Variants in EHMT1 observed in about 807,000 individuals in gnomAD.
The protein encoded by EHMT1 is euchromatic histone lysine methyltransferase 1.
In EHMT1, 15 loss-of-function variants were observed where a neutral mutation model predicts 147.2. That is an observed-to-expected ratio of 0.10 (90% CI 0.07 to 0.16). The LOEUF is 0.16. EHMT1 is among the 10% of genes least tolerant of loss of function. The pLI, the probability that EHMT1 is intolerant of heterozygous loss-of-function variation, is 1.00. For synonymous variants in EHMT1, 795 were observed against 709.6 expected, an observed-to-expected ratio of 1.12 and a Z score of -1.91; for missense variants, 1,587 against 1,772.4, an observed-to-expected ratio of 0.90 and a Z score of 1.88.
Position 137,814,413 on chromosome 9 carries a change from C to G in EHMT1, c.3181-18C>G, listed in dbSNP as rs374607608. The stretch of plus-strand genomic sequence containing the variant: ...GCCTGTGCCTGCACGTCTGACCCCC[C>G]GGCGCCTCTCTTCTCAGTACTGCGT... On this transcript the variant is annotated intron_variant, in intron 21 of 26. Coordinates refer to ENST00000460843, the MANE Select transcript of EHMT1 (RefSeq NM_024757.5). 1.9e-6 allele frequency: 3 copies of G among 1,611,606 alleles called. No homozygotes were observed. Among genetic ancestry groups the G allele is most frequent in the East Asian group, 4.5e-5 (2 of 44,870 alleles).
Position 137,813,285 on chromosome 9 carries a change from T to C in EHMT1, c.3036-101T>C. The C allele has an allele frequency of 6.4e-7, 1 of 1,556,670 alleles. No homozygotes were observed. The highest frequency in any genetic ancestry group is 8.6e-7 in the Non-Finnish European group (1 of 1,156,654). ...AAACATCCCCAGGCTGCAGTCCAAA[T>C]TGTCAGGGCCAGGTGTTTGCCAGCC... is the stretch of plus-strand genomic sequence containing the variant. On this transcript the variant is annotated intron_variant, in intron 20 of 26. Transcript: ENST00000460843. This position sits in a 1 kb window ranked among gnomAD's most constrained non-coding sequence, Gnocchi z 4.9.
At chr9:137,779,489 C>A in intron 13 of EHMT1, 146 bp from the exon 14 acceptor site, 1 of 813,470 alleles carries the variant, frequency 1.2e-6, no homozygotes, top group Non-Finnish European at 2.0e-6. Context: ...TCTGCCGGGC[C>A]TTCCAGCCTT....
chr9:137,734,122 G>C (rs568606019), intron 4 of EHMT1, among the ~76,000 whole-genome samples: 31 of 152,244 alleles, frequency 2.0e-4, no homozygotes, highest in African/African-American at 7.2e-4. Flanking sequence ...GGCCCAATCA[G>C]ATGCAAAAAT....
At chr9:137,706,265 G>T (rs1197850852) in intron 1 of EHMT1, among the ~76,000 whole-genome samples, 3 of 152,226 alleles carry the variant, frequency 2.0e-5, no homozygotes, top group Admixed American at 2.0e-4. Flanking sequence ...TTCCTGGACT[G>T]GGCAGAGCTT....
At chr9:137,755,862 T>C (rs1428740025) in intron 8 of EHMT1, among the ~76,000 whole-genome samples, 2 of 152,274 alleles carry the variant, frequency 1.3e-5, no homozygotes, top group Non-Finnish European at 2.9e-5. Context: ...GAAACGTGTC[T>C]GTTCACATCT....
At chr9:137,619,492 C>T (rs1273521354) in intron 1 of EHMT1, among the ~76,000 whole-genome samples, 1 of 152,082 alleles carries the variant, frequency 6.6e-6, no homozygotes, top group Non-Finnish European at 1.5e-5. Context: ...CGAGGCTGTC[C>T]CTCCTCTCGG....
chr9:137,790,799 GT>G lies in EHMT1; in HGVS notation c.2383-48del, dbSNP rs111652186. On this transcript the variant is annotated intron_variant, in intron 15 of 26. Transcript: ENST00000460843. ...CTTGTAAGTCACTTCTCCCCAGGCGGTGGCTACCGTCACAGCCCTCCCATAC... is the reference window on the plus strand; with the variant it reads ...CTTGTAAGTCACTTCTCCCCAGGCGGGGCTACCGTCACAGCCCTCCCATAC... The G allele has an allele frequency of 9.6e-5, 155 of 1,614,054 alleles. No individual in the cohort carries two copies. The East Asian group carries it at 3.4e-3, about 35-fold the overall frequency.
In EHMT1 at chr9:137,808,193, C is replaced by T. The variant is rs73669181; in HGVS notation, c.2713-3268C>T. Among the ~76,000 whole-genome samples the T allele has an allele frequency of 8.7e-3, 1,319 of 152,264 alleles. 16 individuals carry two copies. Among genetic ancestry groups the T allele is most frequent in the African/African-American group, 0.03 (1,231 of 41,546 alleles). ...GGGAAAGGCCCCGGCTTTGAGTGCA[C>T]ATTCTCAACAGGCTTGTGGCCGCTA... On this transcript the variant is annotated intron_variant, in intron 18 of 26. Coordinates refer to ENST00000460843, the MANE Select transcript of EHMT1 (RefSeq NM_024757.5).
rs1484936339 is a variant in EHMT1, at chr9:137,757,889, C to T, written c.1379C>T (p.Ser460Leu). ...KKPSGALGSE[S>L]YKSSAGSAEQ... ...TGCCTTTCATACCTAGGTTCTGAGT[C>T]GTATAAGTCATCTGCAGGAAGCGCT... The change falls in exon 9 of 27, where the codon TCG (serine) becomes TTG (leucine). Residue 460 changes from serine to leucine, a missense_variant. Around this residue, in one of 7 missense-constraint regions of EHMT1, gnomAD observed 810 missense variants for 673.0 expected, o/e 1.20. Coordinates refer to ENST00000460843, the MANE Select transcript of EHMT1 (RefSeq NM_024757.5). 6 of 1,613,676 alleles carry T rather than the reference C, an allele frequency of 3.7e-6. No individual in the cohort carries two copies. Among genetic ancestry groups the T allele is most frequent in the Non-Finnish European group, 3.4e-6 (4 of 1,180,002 alleles).
intron 25 of EHMT1, chr9:137,823,644 C>T (rs1018493494): frequency 1.1e-4 from 21 of 189,372 alleles, no homozygotes; most frequent in Admixed American, 8.7e-4. Flanking sequence ...ATCTCCTGAC[C>T]TCGTGATCCG....
At chr9:137,651,743 C>T (rs951468668) in intron 1 of EHMT1, among the ~76,000 whole-genome samples, 13 of 151,912 alleles carry the variant, frequency 8.6e-5, no homozygotes, top group Non-Finnish European at 1.3e-4. Context: ...TGCAGTGAGC[C>T]GAGATTGTGT....
chr9:137,834,531 A>T lies in EHMT1; in HGVS notation c.3716+7A>T. 6.2e-7 allele frequency: 1 copy of T among 1,609,368 alleles called. No homozygotes were observed. The highest frequency in any genetic ancestry group is 8.5e-7 in the Non-Finnish European group (1 of 1,179,588). On this transcript the variant is annotated splice_region_variant and intron_variant, in intron 26 of 26. Coordinates refer to ENST00000460843, the MANE Select transcript of EHMT1 (RefSeq NM_024757.5). The stretch of plus-strand genomic sequence containing the variant: ...AGGCCGGCGAGCAGCTCGGGTACGC[A>T]CCGCCCCGGCCCCTGGCCATCTCCG...
At chr9:137,669,221 G>A (rs145659501) in intron 1 of EHMT1, among the ~76,000 whole-genome samples, 1 of 151,828 alleles carries the variant, frequency 6.6e-6, no homozygotes, top group Non-Finnish European at 1.5e-5. Context: ...TTCATGTCTC[G>A]TCTTCCCTCT....
intron 17 of EHMT1, 72 bp from the exon 18 acceptor site, chr9:137,800,808 C>T (rs995199431): frequency 8.8e-6 from 12 of 1,369,236 alleles, no homozygotes; most frequent in East Asian, 4.7e-5. Flanking sequence ...GAGACCTCGG[C>T]GTGGGAGTCC....
At chr9:137,619,238 G>C (rs1458563831) in intron 1 of EHMT1, among the ~76,000 whole-genome samples, 189 bp downstream of exon 1, 1 of 141,966 alleles carries the variant, frequency 7.0e-6, no homozygotes, top group African/African-American at 2.5e-5. Flanking sequence ...CCGGGCGTCC[G>C]GCCCGCGCTC....
At position 137,828,180 on chromosome 9, in the gene EHMT1, G is replaced by A. The variant is rs1223660185; in HGVS notation, c.3541-6169G>A. ...GTGCTGTGACCATCCACAGGCCCCA[G>A]GGGGGTGCTGGCGGGCATCAGGGAA... On this transcript the variant is annotated intron_variant, in intron 25 of 26. Coordinates refer to ENST00000460843, the MANE Select transcript of EHMT1 (RefSeq NM_024757.5). This position sits in a 1 kb window ranked among gnomAD's most constrained non-coding sequence, Gnocchi z 5.3. Among the ~76,000 whole-genome samples, 1 of 152,136 alleles carries A rather than the reference G, an allele frequency of 6.6e-6. No homozygotes were observed. The highest frequency in any genetic ancestry group is 6.5e-5 in the Admixed American group (1 of 15,282).
rs1386251218 is a variant in EHMT1 at position 137,824,210 on chromosome 9, G to C, written c.3540+6072G>C. 4.6e-5 allele frequency among the ~76,000 whole-genome samples: 7 copies of C among 152,258 alleles called. No homozygotes were observed. In the East Asian group the frequency reaches 1.3e-3, roughly 29 times the overall value. On this transcript the variant is annotated intron_variant, in intron 25 of 26. Transcript: ENST00000460843. ...TGAAGCTGCAGTGAGCCGTGATCGA[G>C]CCACTGCACTCCAGCCTGGCCTGTC...
At chr9:137,633,504 T>G (rs1843759253) in intron 1 of EHMT1, among the ~76,000 whole-genome samples, 1 of 152,194 alleles carries the variant, frequency 6.6e-6, no homozygotes, top group South Asian at 2.1e-4. Flanking sequence ...TTCACACCGA[T>G]AGCTGTTGCC....
intron 1 of EHMT1, among the ~76,000 whole-genome samples, chr9:137,657,795 C>A (rs527238276): frequency 2.0e-5 from 3 of 151,900 alleles, no homozygotes; most frequent in Non-Finnish European, 4.4e-5. Context: ...CATTTCTACC[C>A]CCACTCCCCA....
Sources: allele counts gnomAD v4.1 joint callset (sites outside exome capture counted in the v4.1 genomes callset), GRCh38; gene constraint gnomAD v4.1.1; regional missense constraint gnomAD v4.1.1; non-coding constraint Gnocchi (gnomAD v3.1); transcripts MANE v1.5; gene names NCBI Gene and HGNC (gene_info 2026-07-23, HGNC 2026-07-21).